Variants in KLKB1 observed in about 807,000 individuals in gnomAD.
KLKB1 encodes the protein plasma kallikrein.
In KLKB1, 58 loss-of-function variants were observed where a neutral mutation model predicts 73.6. The ratio of observed to expected loss-of-function variants is 0.79; its 90% CI spans 0.64 to 0.98. The LOEUF (loss-of-function observed/expected upper bound fraction) is 0.98, where lower values mean the gene tolerates loss of function less well. KLKB1 is among the 50% of genes least tolerant of loss of function. KLKB1 has a pLI of 0.00. For synonymous variants in KLKB1, 280 were observed against 258.1 expected, an observed-to-expected ratio of 1.08 and a Z score of -0.81; for missense variants, 737 against 763.8, an observed-to-expected ratio of 0.96 and a Z score of 0.41.
At chr4:186,234,091 T>A (rs1443702584) in intron 4 of KLKB1, 33 bp downstream of exon 4, 1 of 1,474,786 alleles carries the variant, frequency 6.8e-7, no homozygotes, top group Non-Finnish European at 9.5e-7. Context: ...ACATTTGAGT[T>A]AATATTGGAT....
chr4:186,234,774 G>T (rs1463588858), intron 4 of KLKB1, among the ~76,000 whole-genome samples: 1 of 152,176 alleles, frequency 6.6e-6, no homozygotes, highest in African/African-American at 2.4e-5. Context: ...TTGGGAAACA[G>T]TTTCCAATGC....
rs2126669993 is a variant in KLKB1, at chr4:186,251,504, A to G, written c.886A>G (p.Ile296Val). 6.2e-7 allele frequency: 1 copy of G among 1,613,986 alleles called. No homozygotes were observed. Among genetic ancestry groups the G allele is most frequent in the African/African-American group, 1.3e-5 (1 of 75,042 alleles). ...TGACACAGAACCCTGCCATTCTAAA[A>G]TTTACCCGGGAGTTGACTTTGGAGG... ...RTLPEPCHSK[I>V]YPGVDFGGEE... is the part of the protein sequence containing the mutation. The change falls in exon 9 of 15, where the codon ATT becomes GTT. Residue 296 changes from isoleucine (I) to valine (V), a missense_variant. Coordinates refer to ENST00000264690, the MANE Select transcript of KLKB1 (RefSeq NM_000892.5).
chr4:186,254,468 G>T lies in KLKB1; in HGVS notation c.1314-120G>T, dbSNP rs540950124. 10 of 844,278 alleles carry T rather than the reference G, an allele frequency of 1.2e-5. No homozygotes were observed. The South Asian group carries it at 1.4e-4, about 12-fold the overall frequency. The allele number at this position is 844,278 out of a possible 1,614,324, so 52.3% of individuals were successfully genotyped here. ...AATTACCAGAAGGAGGAATTAGGTA[G>T]GAGAAAATGTGTCCTATGTATTTCC... On this transcript the variant is annotated intron_variant, in intron 11 of 14. Coordinates refer to ENST00000264690, the MANE Select transcript of KLKB1 (RefSeq NM_000892.5).
At chr4:186,249,945 T>C (rs963508582) in intron 6 of KLKB1, among the ~76,000 whole-genome samples, 17 of 152,106 alleles carry the variant, frequency 1.1e-4, no homozygotes, top group South Asian at 1.0e-3. Context: ...CAGAGTAATA[T>C]AAAGGAAATG....
At chr4:186,244,976 A>G (rs890582533) in intron 6 of KLKB1, among the ~76,000 whole-genome samples, 4 of 152,094 alleles carry the variant, frequency 2.6e-5, no homozygotes, top group South Asian at 2.1e-4. Flanking sequence ...GGGACACACA[A>G]GGGGAGGATG....
intron 2 of KLKB1, 55 bp downstream of exon 2, chr4:186,228,308 C>A: frequency 9.3e-7 from 1 of 1,075,550 alleles, no homozygotes; most frequent in Non-Finnish European, 1.4e-6. Flanking sequence ...AGTAGCCAAG[C>A]AAGTGGCACC....
At chr4:186,213,417 T>C (rs1266432393) in intron 2 of KLKB1, 1 of 152,248 alleles carries the variant, frequency 6.6e-6, no homozygotes, top group East Asian at 1.9e-4. Flanking sequence ...AATCAGGAGA[T>C]GGCTGATTCA....
intron 3 of KLKB1, among the ~76,000 whole-genome samples, 183 bp from the exon 4 acceptor site, chr4:186,233,769 T>C (rs903111950): frequency 1.3e-5 from 2 of 152,222 alleles, no homozygotes; most frequent in African/African-American, 2.4e-5. Flanking sequence ...AACGCAGTGA[T>C]GGAGTTAGAT....
chr4:186,233,887 T>C (rs769409848), intron 3 of KLKB1, 65 bp from the exon 4 acceptor site: 47 of 1,111,428 alleles, frequency 4.2e-5, no homozygotes, highest in Admixed American at 1.0e-4. Context: ...GTGTAGAAAA[T>C]GCTAGACATT....
intron 6 of KLKB1, among the ~76,000 whole-genome samples, chr4:186,242,790 G>T (rs1157522874): frequency 2.0e-5 from 3 of 152,040 alleles, no homozygotes; most frequent in African/African-American, 7.2e-5. Flanking sequence ...GGCTGAGCTT[G>T]GTGAGGTGTG....
At position 186,228,200 on chromosome 4, in the gene KLKB1, T is replaced by C. The variant is rs763213880; in HGVS notation, c.5T>C (p.Ile2Thr). 1 of 1,559,812 alleles carries C rather than the reference T, an allele frequency of 6.4e-7. No individual in the cohort carries two copies. The highest frequency in any genetic ancestry group is 1.1e-5 in the South Asian group (1 of 89,782). ...TGTATTGTTTTCTTTTTTAGAATGATTTTATTCAAGCAAGCAACTTATTTC... is the reference window on the plus strand; with the variant it reads ...TGTATTGTTTTCTTTTTTAGAATGACTTTATTCAAGCAAGCAACTTATTTC... MILFKQATYFIS... is the reference protein window; with the variant it reads MTLFKQATYFIS... The change falls in exon 2 of 15, where the codon ATT becomes ACT. Residue 2 changes from isoleucine (I) to threonine (T), a missense_variant. Ile to Thr is a moderately conservative substitution (Grantham distance 89). Transcript: ENST00000264690.
upstream of KLKB1, among the ~76,000 whole-genome samples, chr4:186,221,583 A>T (rs896128007): frequency 1.3e-5 from 2 of 151,610 alleles, no homozygotes; most frequent in East Asian, 3.9e-4. Flanking sequence ...GTTAATTTTC[A>T]TGTATTTGTG....
At chr4:186,254,491 T>A (rs1446905839) in intron 11 of KLKB1, 97 bp from the exon 12 acceptor site, 1 of 1,049,450 alleles carries the variant, frequency 9.5e-7, no homozygotes, top group Non-Finnish European at 1.5e-6. Flanking sequence ...CCTATGTATT[T>A]CCTTCCCAGT....
At chr4:186,249,516 A>T (rs1048436478) in intron 6 of KLKB1, among the ~76,000 whole-genome samples, 1 of 152,204 alleles carries the variant, frequency 6.6e-6, no homozygotes, top group Non-Finnish European at 1.5e-5. Context: ...TGATTACCAT[A>T]ACTTTGCAGT....
chr4:186,233,828 T>G (rs1182064469), intron 3 of KLKB1, 124 bp from the exon 4 acceptor site: 3 of 718,630 alleles, frequency 4.2e-6, no homozygotes, highest in Non-Finnish European at 7.4e-6. Flanking sequence ...TTCCAGCAAG[T>G]ATTGGGGAAG....
intron 13 of KLKB1, among the ~76,000 whole-genome samples, chr4:186,256,331 G>A (rs914467593): frequency 6.6e-6 from 1 of 152,168 alleles, no homozygotes; most frequent in Non-Finnish European, 1.5e-5. Context: ...GCTTGACTTT[G>A]CATGAAGCAG....
At chr4:186,234,607 C>T (rs1387138833) in intron 4 of KLKB1, among the ~76,000 whole-genome samples, 1 of 152,196 alleles carries the variant, frequency 6.6e-6, no homozygotes, top group East Asian at 1.9e-4. Context: ...CCCAAAACGT[C>T]AACAGTGCTG....
intron 3 of KLKB1, among the ~76,000 whole-genome samples, chr4:186,233,064 A>G (rs1341192974): frequency 2.0e-5 from 3 of 151,614 alleles, no homozygotes; most frequent in African/African-American, 7.3e-5. Flanking sequence ...ACAGGCACGC[A>G]CCACCACGTC....
At chr4:186,227,418 T>C (rs1737204499), upstream of KLKB1, 1 of 152,204 alleles carries the variant, frequency 6.6e-6, no homozygotes, top group Non-Finnish European at 1.5e-5. Flanking sequence ...ACGGATAGGA[T>C]GTTCATGGAA....
Sources: allele counts gnomAD v4.1 joint callset (sites outside exome capture counted in the v4.1 genomes callset), GRCh38; gene constraint gnomAD v4.1.1; transcripts MANE v1.5; gene names NCBI Gene and HGNC (gene_info 2026-07-23, HGNC 2026-07-21).